Variants in VRK2 observed in about 807,000 individuals in gnomAD.
The protein encoded by VRK2 is serine/threonine-protein kinase VRK2.
A neutral mutation model predicts 57.6 loss-of-function variants in VRK2; 60 were observed. The observed-to-expected ratio is 1.04, with a 90% CI of 0.85 to 1.29. The LOEUF is 1.29. Among genes scored for constraint, VRK2 ranks in the 50% most tolerant of loss-of-function variants. The probability of loss-of-function intolerance (pLI) is 0.00; values close to 1 mark genes in which losing one functional copy is unlikely to be tolerated. For synonymous variants in VRK2, 231 were observed against 199.2 expected, an observed-to-expected ratio of 1.16 and a Z score of -1.35; for missense variants, 705 against 588.1, an observed-to-expected ratio of 1.20 and a Z score of -2.06.
chr2:57,951,685 C>G (rs140953467), intron 1 of VRK2, among the ~76,000 whole-genome samples: 1 of 152,178 alleles, frequency 6.6e-6, no homozygotes, highest in East Asian at 1.9e-4. Context: ...TGAGGCAAGA[C>G]CCTCTACCAG....
upstream of VRK2, chr2:58,046,524 C>CA (rs1438519299): frequency 1.6e-5 from 16 of 985,542 alleles, no homozygotes; most frequent in African/African-American, 2.8e-4. Flanking sequence ...TATTTCGTAC[C>CA]AAACTGGTCT....
chr2:57,918,733 T>C (rs1385358430), intron 1 of VRK2, among the ~76,000 whole-genome samples: 3 of 152,138 alleles, frequency 2.0e-5, no homozygotes, highest in African/African-American at 7.2e-5. Flanking sequence ...GAAAACTCAC[T>C]TCTACTTTTT....
intron 1 of VRK2, among the ~76,000 whole-genome samples, chr2:57,983,548 G>T (rs772905767): frequency 1.3e-5 from 2 of 152,150 alleles, no homozygotes; most frequent in Non-Finnish European, 2.9e-5. Flanking sequence ...GAAAATGGGA[G>T]GGAAAGGCAT....
intron 11 of VRK2, among the ~76,000 whole-genome samples, chr2:58,144,016 C>A (rs577030838): frequency 2.7e-5 from 4 of 150,532 alleles, no homozygotes; most frequent in Non-Finnish European, 3.0e-5. Flanking sequence ...TACATATACA[C>A]ATATATATAT....
intron 1 of VRK2, among the ~76,000 whole-genome samples, chr2:58,023,005 C>T (rs945272730): frequency 5.3e-5 from 8 of 152,256 alleles, no homozygotes; most frequent in South Asian, 2.1e-4. Flanking sequence ...GCATTTTAAC[C>T]ATTTCAAAAG....
chr2:57,940,040 T>A (rs1429306153), intron 1 of VRK2, among the ~76,000 whole-genome samples: 1 of 152,206 alleles, frequency 6.6e-6, no homozygotes, highest in Non-Finnish European at 1.5e-5. Context: ...AGATATCTTA[T>A]ACTTTCATAA....
chr2:57,988,731 A>T (rs1433383163), intron 1 of VRK2, among the ~76,000 whole-genome samples: 5 of 152,080 alleles, frequency 3.3e-5, no homozygotes, highest in Admixed American at 2.0e-4. Context: ...CCAGACCTTC[A>T]ACTCCCCTGG....
chr2:58,156,120 TTTC>T (rs775952623), intron 12 of VRK2, among the ~76,000 whole-genome samples: 4 of 151,990 alleles, frequency 2.6e-5, no homozygotes, highest in Non-Finnish European at 5.9e-5. Context: ...ATGCTTACTC[TTTC>T]TTGTCTATAA....
At chr2:58,083,556 A>T (rs1197479976) in intron 2 of VRK2, among the ~76,000 whole-genome samples, 1 of 151,826 alleles carries the variant, frequency 6.6e-6, no homozygotes, top group Non-Finnish European at 1.5e-5. Context: ...AGAAATTTTT[A>T]AAGACTTTAT....
chr2:57,995,875 C>T (rs1479717596), intron 1 of VRK2, among the ~76,000 whole-genome samples: 1 of 152,166 alleles, frequency 6.6e-6, no homozygotes, highest in Non-Finnish European at 1.5e-5. Flanking sequence ...TGCTTTTGCA[C>T]CATCAGTGCA....
chr2:58,061,213 A>G (rs903647924), intron 2 of VRK2, among the ~76,000 whole-genome samples: 4 of 151,888 alleles, frequency 2.6e-5, no homozygotes, highest in African/African-American at 4.8e-5. Context: ...TTACATATCA[A>G]CCCTTTAGGG....
chr2:58,091,735 C>T (rs1263725448), intron 7 of VRK2, among the ~76,000 whole-genome samples: 7 of 151,664 alleles, frequency 4.6e-5, no homozygotes, highest in African/African-American at 7.3e-5. Flanking sequence ...CTTGTTAAAG[C>T]GATGATCGAA....
At chr2:57,957,718 G>A (rs1344104500) in intron 1 of VRK2, among the ~76,000 whole-genome samples, 2 of 151,130 alleles carry the variant, frequency 1.3e-5, no homozygotes, top group South Asian at 2.1e-4. Context: ...CTGAAATAGT[G>A]AATTTAGCTC....
At chr2:58,088,086 G>C in intron 5 of VRK2, among the ~76,000 whole-genome samples, 1 of 152,160 alleles carries the variant, frequency 6.6e-6, no homozygotes, top group East Asian at 1.9e-4. Flanking sequence ...AATTTAGAAA[G>C]ATTTTTTCAT....
chr2:57,909,799 C>G (rs1222484792), intron 1 of VRK2, among the ~76,000 whole-genome samples: 1 of 152,094 alleles, frequency 6.6e-6, no homozygotes, highest in Non-Finnish European at 1.5e-5. Flanking sequence ...AGAGATCTGT[C>G]AAGAATTGAT....
intron 2 of VRK2, among the ~76,000 whole-genome samples, chr2:58,027,462 G>C (rs1287062945): frequency 2.0e-5 from 3 of 152,062 alleles, no homozygotes; most frequent in African/African-American, 7.2e-5. Context: ...CTTTTAAACA[G>C]CAGAAAGCAG....
intron 1 of VRK2, among the ~76,000 whole-genome samples, chr2:58,003,986 T>C (rs1323484507): frequency 3.3e-5 from 5 of 152,148 alleles, no homozygotes; most frequent in East Asian, 1.9e-4. Flanking sequence ...CCATTCCTAA[T>C]TCCAGACTGC....
chr2:58,029,379 C>A (rs1674043444), intron 2 of VRK2, among the ~76,000 whole-genome samples: 1 of 152,144 alleles, frequency 6.6e-6, no homozygotes. Flanking sequence ...GACTTAAATT[C>A]TTAAAGGGCT....
chr2:57,911,664 A>G (rs1248848379), intron 1 of VRK2, among the ~76,000 whole-genome samples: 1 of 152,242 alleles, frequency 6.6e-6, no homozygotes, highest in African/African-American at 2.4e-5. Context: ...AGCATAATTC[A>G]TGTGCATCAA....
Sources: gnomAD v4.1 joint callset for allele counts (sites outside exome capture counted in the v4.1 genomes callset) on GRCh38, gnomAD v4.1.1 for gene constraint, MANE v1.5 for transcripts, NCBI Gene and HGNC (gene_info 2026-07-23, HGNC 2026-07-21) for gene names.